Variants in DNAJB11 observed in about 807,000 individuals in gnomAD.
DNAJB11 encodes the protein dnaJ homolog subfamily B member 11.
DNAJB11 carries 30 observed loss-of-function variants against 47.2 expected under a neutral mutation model. That is an observed-to-expected ratio of 0.64 (90% CI 0.48 to 0.86). The LOEUF is 0.86. DNAJB11 is among the 40% of genes least tolerant of loss of function. DNAJB11 has a pLI of 0.00. For missense variants in DNAJB11, 357 were observed against 440.2 expected (o/e 0.81, Z 1.69); for synonymous variants, 151 against 159.9 (o/e 0.94, Z 0.42).
chr3:186,575,793 G>T lies in DNAJB11; in HGVS notation c.226-47G>T, dbSNP rs573502850. The T allele has an allele frequency of 1.2e-5, 17 of 1,453,158 alleles. No individual in the cohort carries two copies. In the African/African-American group the frequency reaches 1.8e-4, roughly 16 times the overall value. The allele number at this position is 1,453,158 out of a possible 1,614,324, so 90.0% of individuals were successfully genotyped here. On this transcript the variant is annotated intron_variant, in intron 2 of 9. Transcript: ENST00000265028. ...CATAAATATGACTGTGCCTTAACTG[G>T]ATATTACCAACTCATGATCTTTTCC...
rs1715474513 is a variant in DNAJB11, at chr3:186,581,289, A to G, written c.457-82A>G. ...GAAGGGGAAGTTTCAGTCCAGGCATATGTGCAGAGCCTTGATCAATTGAGG... is the reference window on the plus strand; with the variant it reads ...GAAGGGGAAGTTTCAGTCCAGGCATGTGTGCAGAGCCTTGATCAATTGAGG... On this transcript the variant is annotated intron_variant, in intron 4 of 9. Coordinates refer to ENST00000265028, the MANE Select transcript of DNAJB11 (RefSeq NM_016306.6). The G allele has an allele frequency of 1.1e-5, 17 of 1,502,728 alleles. No individual in the cohort carries two copies. The South Asian group carries it at 1.9e-4, about 17-fold the overall frequency. 93.1% of individuals were successfully genotyped at this position (1,502,728 alleles called of 1,614,324 possible). A position where few individuals can be genotyped will look rare whatever the true frequency, so the allele number is the denominator to read the frequency against.
chr3:186,579,562 G>A (rs1197029234), intron 4 of DNAJB11: 1 of 152,166 alleles, frequency 6.6e-6, no homozygotes, highest in African/African-American at 2.4e-5. Context: ...AAATATATGT[G>A]TTATTCAGTT....
intron 1 of DNAJB11, 152 bp from the exon 2 acceptor site, chr3:186,571,943 C>T (rs1469142631): frequency 6.0e-6 from 3 of 499,598 alleles, no homozygotes; most frequent in African/African-American, 3.9e-5. Flanking sequence ...TCTCTTTAGT[C>T]ATTCTTTGTG....
rs774633788 is a variant in DNAJB11, at chr3:186,572,066, A to T, written c.69-29A>T. 2.6e-6 allele frequency: 4 copies of T among 1,525,056 alleles called. No individual in the cohort carries two copies. In the East Asian group the frequency reaches 6.9e-5, roughly 26 times the overall value. The allele number at this position is 1,525,056 out of a possible 1,614,324, so 94.5% of individuals were successfully genotyped here. On this transcript the variant is annotated intron_variant, in intron 1 of 9. Transcript: ENST00000265028. ...GAAAAATGTAACATGTAACTCTTTAATGAAGTATTCTCTCCCTCTACTTCC... is the reference window on the plus strand; with the variant it reads ...GAAAAATGTAACATGTAACTCTTTATTGAAGTATTCTCTCCCTCTACTTCC...
intron 8 of DNAJB11, 141 bp from the exon 9 acceptor site, chr3:186,584,289 T>C: frequency 1.2e-6 from 1 of 828,472 alleles, no homozygotes; most frequent in Admixed American, 3.4e-5. Context: ...CACATTGTCT[T>C]AATGGTATTT....
chr3:186,570,747 G>A lies in DNAJB11; in HGVS notation c.-151G>A, dbSNP rs936964427. The A allele has an allele frequency of 5.8e-6, 4 of 689,226 alleles. No individual in the cohort carries two copies. Among genetic ancestry groups the A allele is most frequent in the Non-Finnish European group, 5.0e-6 (2 of 403,416 alleles). The allele number at this position is 689,226 out of a possible 1,614,324, so 42.7% of individuals were successfully genotyped here. ...TCCCGGGAAGTGGACCGGCAGAAGA[G>A]GGGGCTAGCTAGCTGTCTCTGCGGA... On this transcript the variant is annotated 5_prime_UTR_variant, in exon 1 of 10. Transcript: ENST00000265028.
At chr3:186,581,933 A>C (rs1234175379) in intron 5 of DNAJB11, 62 bp from the exon 6 acceptor site, 2 of 1,342,774 alleles carry the variant, frequency 1.5e-6, no homozygotes, top group East Asian at 5.0e-5. Context: ...AACTTTATCT[A>C]TATCTGATGT....
chr3:186,582,636 A>C (rs1442561884), intron 6 of DNAJB11, 80 bp from the exon 7 acceptor site: 1 of 1,228,396 alleles, frequency 8.1e-7, no homozygotes, highest in Admixed American at 2.0e-5. Flanking sequence ...TAGTGGATTA[A>C]AAAAATGTAT....
At position 186,582,059 on chromosome 3, in the gene DNAJB11, T is replaced by G; in HGVS notation, c.664T>G (p.Tyr222Asp). Residue 222 changes from tyrosine (Y) to aspartate (D), a missense_variant, in exon 6 of 10, where the codon TAC becomes GAC. Tyr to Asp is a radical substitution (Grantham distance 160). Transcript: ENST00000265028. ...GCCTGGGGTGAGAGACGGCATGGAGTACCCCTTTATTGGAGAAGGTGAAAT... is the reference window on the plus strand; with the variant it reads ...GCCTGGGGTGAGAGACGGCATGGAGGACCCCTTTATTGGAGAAGGTGAAAT... ...IEPGVRDGMEYPFIGEGEPHV... is the reference protein window; with the variant it reads ...IEPGVRDGMEDPFIGEGEPHV... 1 of 1,613,372 alleles carries G rather than the reference T, an allele frequency of 6.2e-7. No individual in the cohort carries two copies. Among genetic ancestry groups the G allele is most frequent in the Non-Finnish European group, 8.5e-7 (1 of 1,179,442 alleles).
intron 8 of DNAJB11, 26 bp downstream of exon 8, chr3:186,584,002 G>A: frequency 5.9e-6 from 9 of 1,531,764 alleles, no homozygotes; most frequent in Non-Finnish European, 8.1e-6. Flanking sequence ...TACTCGTTCT[G>A]CATCCTTTTG....
Position 186,575,937 on chromosome 3 carries a change from A to T in DNAJB11, c.323A>T (p.His108Leu). The change falls in exon 3 of 10, where the codon CAC (histidine) becomes CTC (leucine). Residue 108 changes from histidine to leucine, a missense_variant and splice_region_variant. His to Leu is a moderately conservative substitution (Grantham distance 99, BLOSUM62 -3). Transcript: ENST00000265028. Reference sequence around the variant, plus strand: ...AGCTCCCATGGAGACATTTTTTCACAGTGAGTAATTTACCCATCTGCAAAG... The same window carrying T: ...AGCTCCCATGGAGACATTTTTTCACTGTGAGTAATTTACCCATCTGCAAAG... ...HQSSHGDIFSHFFGDFGFMFG... is the reference protein window; with the variant it reads ...HQSSHGDIFSLFFGDFGFMFG... 1 of 1,607,728 alleles carries T rather than the reference A, an allele frequency of 6.2e-7. No individual in the cohort carries two copies. Among genetic ancestry groups the T allele is most frequent in the Non-Finnish European group, 8.5e-7 (1 of 1,174,290 alleles).
At position 186,577,079 on chromosome 3, in the gene DNAJB11, G is replaced by C. The variant is rs116570955; in HGVS notation, c.324-589G>C. ...ATTAGTTTGGGTCTTATAGAGGCTA[G>C]AACTTCCTTCTCCTTAAGCACTAGG... On this transcript the variant is annotated intron_variant, in intron 3 of 9. Coordinates refer to ENST00000265028, the MANE Select transcript of DNAJB11 (RefSeq NM_016306.6). Among the ~76,000 whole-genome samples the C allele has an allele frequency of 8.6e-3, 1,306 of 152,290 alleles. 9 individuals are homozygous for C. Among genetic ancestry groups the C allele is most frequent in the Non-Finnish European group, 0.014 (942 of 68,012 alleles).
In DNAJB11 at chr3:186,576,910, G is replaced by A. The variant is rs116611780; in HGVS notation, c.324-758G>A. Among the ~76,000 whole-genome samples, 1,053 of 152,282 alleles carry A rather than the reference G, an allele frequency of 6.9e-3. 11 individuals are homozygous for A. The highest frequency in any genetic ancestry group is 0.023 in the African/African-American group (970 of 41,558). The stretch of plus-strand genomic sequence containing the variant: ...CATTCACCTGAGTTGGTTGGTGGGA[G>A]AGGGAGTTATATAGTTATCATCTTC... On this transcript the variant is annotated intron_variant, in intron 3 of 9. Coordinates refer to ENST00000265028, the MANE Select transcript of DNAJB11 (RefSeq NM_016306.6).
At position 186,581,448 on chromosome 3, in the gene DNAJB11, C is replaced by A; in HGVS notation, c.534C>A (p.Thr178=). The change falls in exon 5 of 10, where the codon ACC becomes ACA. Residue 178 remains threonine (T), a synonymous_variant. Coordinates refer to ENST00000265028, the MANE Select transcript of DNAJB11 (RefSeq NM_016306.6). ...ATTGTCGGCAAGAGATGCGGACCAC[C>A]CAGCTGGGCCCTGGGCGCTTCCAAA... The part of the protein sequence containing the change: ...KCNCRQEMRT[T]QLGPGRFQMT... 1 of 1,613,820 alleles carries A rather than the reference C, an allele frequency of 6.2e-7. No homozygotes were observed. Among genetic ancestry groups the A allele is most frequent in the Non-Finnish European group, 8.5e-7 (1 of 1,179,952 alleles).
intron 9 of DNAJB11, among the ~76,000 whole-genome samples, chr3:186,585,098 C>T (rs1482435985): frequency 2.6e-5 from 4 of 152,208 alleles, no homozygotes; most frequent in Non-Finnish European, 1.5e-5. Flanking sequence ...TCTCATTCCT[C>T]ATTTCATAGA....
chr3:186,573,299 A>G (rs1472992749), intron 2 of DNAJB11, among the ~76,000 whole-genome samples: 1 of 152,222 alleles, frequency 6.6e-6, no homozygotes, highest in East Asian at 1.9e-4. Context: ...ATGGAATTGA[A>G]ACAGTGAGTT....
chr3:186,570,937 C>A lies in DNAJB11; in HGVS notation c.40C>A (p.Leu14Ile). ...QNLSTFCLLL[L>I]YLIGAVIAGR... ...CCTGAGCACCTTTTGCCTGTTGCTG[C>A]TATACCTCATCGGGGCGGTGATTGC... Residue 14 changes from leucine to isoleucine, a missense_variant, in exon 1 of 10, where the codon CTA (leucine) becomes ATA (isoleucine). By Grantham distance (5) the Leu-to-Ile change is conservative. Transcript: ENST00000265028. The A allele has an allele frequency of 6.3e-7, 1 of 1,586,268 alleles. No homozygotes were observed. The highest frequency in any genetic ancestry group is 8.6e-7 in the Non-Finnish European group (1 of 1,164,206).
At chr3:186,573,495 C>T (rs902794178) in intron 2 of DNAJB11, among the ~76,000 whole-genome samples, 2 of 152,134 alleles carry the variant, frequency 1.3e-5, no homozygotes, top group East Asian at 1.9e-4. Context: ...ACGCCATTCT[C>T]CTGCCTCAGC....
chr3:186,571,022 T>TCAGCTTTGGGGGGGGGGG, intron 1 of DNAJB11, 57 bp downstream of exon 1: 1 of 208,310 alleles, frequency 4.8e-6, no homozygotes, highest in East Asian at 9.8e-5. Flanking sequence ...TGCTGGGGGG[T>TCAGCTTTGGGGGGGGGGG]GGGAGGGGGT....
Sources: gnomAD v4.1 joint callset for allele counts (sites outside exome capture counted in the v4.1 genomes callset) on GRCh38, gnomAD v4.1.1 for gene constraint, MANE v1.5 for transcripts, NCBI Gene and HGNC (gene_info 2026-07-23, HGNC 2026-07-21) for gene names.